The following CDKAL1 variants were observed in gnomAD, a reference collection of about 807,000 sequenced individuals.
The protein encoded by CDKAL1 is CDKAL1 threonylcarbamoyladenosine tRNA methylthiotransferase.
CDKAL1 carries 32 observed loss-of-function variants against 68.2 expected under a neutral mutation model. That is an observed-to-expected ratio of 0.47 (90% CI 0.35 to 0.63). The LOEUF (loss-of-function observed/expected upper bound fraction) is 0.63. CDKAL1 is among the 30% of genes least tolerant of loss of function. CDKAL1 has a pLI of 0.00. For missense variants in CDKAL1, 606 were observed against 696.7 expected (o/e 0.87, Z 1.47); for synonymous variants, 234 against 244.3 (o/e 0.96, Z 0.39).
At chr6:20,692,825 T>A (rs575753454) in intron 5 of CDKAL1, among the ~76,000 whole-genome samples, 14 of 152,060 alleles carry the variant, frequency 9.2e-5, no homozygotes, top group African/African-American at 3.4e-4. Context: ...TGTCATGTAG[T>A]AAAGTTAAAA....
At chr6:20,757,968 C>T (rs564631990) in intron 6 of CDKAL1, among the ~76,000 whole-genome samples, 2 of 152,180 alleles carry the variant, frequency 1.3e-5, no homozygotes, top group African/African-American at 4.8e-5. Context: ...CCCCAGGAGT[C>T]ATCCTTGGTT....
At chr6:20,905,874 T>C (rs558225609) in intron 9 of CDKAL1, among the ~76,000 whole-genome samples, 9 of 72,720 alleles carry the variant, frequency 1.2e-4, no homozygotes, top group Non-Finnish European at 1.3e-4. Context: ...ATGAGTGAGA[T>C]AGAAAATAAG....
At chr6:21,080,473 G>C (rs972557422) in intron 12 of CDKAL1, among the ~76,000 whole-genome samples, 3 of 152,190 alleles carry the variant, frequency 2.0e-5, no homozygotes, top group East Asian at 3.9e-4. Context: ...CCACAGCCGA[G>C]AGTGTCACCA....
intron 8 of CDKAL1, among the ~76,000 whole-genome samples, chr6:20,842,685 G>T (rs903953791): frequency 6.6e-6 from 1 of 152,096 alleles, no homozygotes; most frequent in Non-Finnish European, 1.5e-5. Context: ...TACAAAATTA[G>T]CCAGGCGTAG....
At chr6:21,208,974 A>G (rs1779045144) in intron 15 of CDKAL1, among the ~76,000 whole-genome samples, 3 of 152,130 alleles carry the variant, frequency 2.0e-5, no homozygotes, top group Admixed American at 1.3e-4. Flanking sequence ...TTGCATCACT[A>G]ATTGTGCAAT....
chr6:20,564,030 T>C (rs192592191), intron 4 of CDKAL1, among the ~76,000 whole-genome samples: 3 of 152,348 alleles, frequency 2.0e-5, no homozygotes, highest in African/African-American at 7.2e-5. Context: ...AGCCTCAGTG[T>C]CTTTAAAATG....
intron 4 of CDKAL1, among the ~76,000 whole-genome samples, chr6:20,592,468 CT>C (rs34023799): frequency 0.32 from 41,139 of 130,148 alleles, 5,426 homozygotes; most frequent in East Asian, 0.49. Context: ...ATGCTTCCAG[CT>C]TTTTTTTTTT....
intron 5 of CDKAL1, among the ~76,000 whole-genome samples, chr6:20,649,938 T>C (rs1040158764): frequency 2.0e-5 from 3 of 152,236 alleles, no homozygotes; most frequent in Non-Finnish European, 4.4e-5. Flanking sequence ...ATGGTGTATA[T>C]GCACCACAAT....
intron 4 of CDKAL1, among the ~76,000 whole-genome samples, chr6:20,554,636 G>A (rs965087341): frequency 1.3e-5 from 2 of 152,156 alleles, no homozygotes; most frequent in African/African-American, 4.8e-5. Flanking sequence ...ATTCTTACAC[G>A]TTTTTGGTCT....
chr6:21,110,324 T>G (rs1282964085), intron 13 of CDKAL1, among the ~76,000 whole-genome samples: 2 of 152,202 alleles, frequency 1.3e-5, no homozygotes, highest in Admixed American at 1.3e-4. Context: ...ATGTTACTTT[T>G]AATATTGTCT....
chr6:20,784,222 A>T (rs1323631468), intron 8 of CDKAL1, among the ~76,000 whole-genome samples: 1 of 151,630 alleles, frequency 6.6e-6, no homozygotes, highest in Non-Finnish European at 1.5e-5. Flanking sequence ...AAAAAAAAAA[A>T]AAAAGTGTAG....
At chr6:20,967,744 C>T (rs1197078236) in intron 10 of CDKAL1, among the ~76,000 whole-genome samples, 3 of 152,188 alleles carry the variant, frequency 2.0e-5, no homozygotes, top group African/African-American at 7.2e-5. Flanking sequence ...AGAGTCCTTT[C>T]ATTTCAGCCT....
chr6:20,547,832 G>A (rs530425902), intron 3 of CDKAL1, among the ~76,000 whole-genome samples: 4 of 152,140 alleles, frequency 2.6e-5, no homozygotes, highest in African/African-American at 4.8e-5. Flanking sequence ...TTAGGATGAC[G>A]GTTTTTAACT....
At chr6:21,046,299 G>T (rs934498454) in intron 11 of CDKAL1, among the ~76,000 whole-genome samples, 1 of 152,144 alleles carries the variant, frequency 6.6e-6, no homozygotes, top group Non-Finnish European at 1.5e-5. Context: ...GTAATATAGC[G>T]GCTTTGTTCT....
intron 6 of CDKAL1, among the ~76,000 whole-genome samples, chr6:20,753,237 G>C (rs1057154714): frequency 2.7e-5 from 4 of 150,612 alleles, no homozygotes; most frequent in Non-Finnish European, 5.9e-5. Flanking sequence ...TTCTTATTTT[G>C]GACATTTCCT....
At chr6:20,683,890 A>G (rs1206022865) in intron 5 of CDKAL1, among the ~76,000 whole-genome samples, 1 of 152,208 alleles carries the variant, frequency 6.6e-6, no homozygotes, top group East Asian at 1.9e-4. Context: ...AACTCTTAGC[A>G]TCCACTGATG....
intron 4 of CDKAL1, among the ~76,000 whole-genome samples, chr6:20,554,165 C>T (rs1306612292): frequency 6.6e-6 from 1 of 152,164 alleles, no homozygotes; most frequent in African/African-American, 2.4e-5. Flanking sequence ...GTCTCTCATT[C>T]AAAGAATAAA....
At chr6:21,113,951 G>GA (rs1312939013) in intron 13 of CDKAL1, among the ~76,000 whole-genome samples, 48 of 141,446 alleles carry the variant, frequency 3.4e-4, no homozygotes, top group African/African-American at 1.1e-3. Context: ...AAAAGAAAAA[G>GA]AAAAAAAAAA....
intron 15 of CDKAL1, among the ~76,000 whole-genome samples, chr6:21,203,427 G>C (rs1778773960): frequency 6.6e-6 from 1 of 150,638 alleles, no homozygotes; most frequent in Non-Finnish European, 1.5e-5. Context: ...GTAGAGACAG[G>C]GTTTCACCAT....
Sources: allele counts gnomAD v4.1 joint callset (sites outside exome capture counted in the v4.1 genomes callset), GRCh38; gene constraint gnomAD v4.1.1; transcripts MANE v1.5; gene names NCBI Gene and HGNC (gene_info 2026-07-23, HGNC 2026-07-21).